Variants in FBXW9 observed in about 807,000 individuals in gnomAD.
The protein encoded by FBXW9 is F-box and WD repeat domain containing 9.
In FBXW9, 38 loss-of-function variants were observed where a neutral mutation model predicts 55.8. The observed-to-expected ratio is 0.68, with a 90% confidence interval of 0.53 to 0.89. FBXW9 has a LOEUF of 0.89. Among genes scored for constraint, FBXW9 ranks in the 40% least tolerant of loss-of-function variants. The pLI, the probability that FBXW9 is intolerant of heterozygous loss-of-function variation, is 0.00. For synonymous variants in FBXW9, 289 were observed against 278.2 expected, an observed-to-expected ratio of 1.04 and a Z score of -0.38; for missense variants, 590 against 619.4, an observed-to-expected ratio of 0.95 and a Z score of 0.50.
At chr19:12,690,306 C>A in intron 5 of FBXW9, 196 bp from the exon 6 acceptor site, 2 of 837,036 alleles carry the variant, frequency 2.4e-6, no homozygotes, top group Non-Finnish European at 1.9e-6. Context: ...CAGGCCTCTG[C>A]CCATCCCCGT....
chr19:12,691,619 C>T (rs73923903), intron 3 of FBXW9, among the ~76,000 whole-genome samples, 165 bp from the exon 4 acceptor site: 1 of 152,212 alleles, frequency 6.6e-6, no homozygotes. Context: ...GCAGCAAGTA[C>T]AACACCCAAC....
intron 1 of FBXW9, among the ~76,000 whole-genome samples, chr19:12,695,451 G>A (rs766033147): frequency 5.1e-4 from 78 of 152,314 alleles, no homozygotes; most frequent in Middle Eastern, 3.4e-3. Flanking sequence ...AGCTGTTTGG[G>A]AGAGTCTGAC....
In FBXW9 at chr19:12,690,006, C is replaced by T; in HGVS notation, c.988G>A (p.Val330Met). Residue 330 changes from valine to methionine, a missense_variant, in exon 6 of 10, where the codon GTG becomes ATG. Physicochemically the swap from Val to Met is conservative, Grantham distance 21. Transcript: ENST00000393261. The part of the protein sequence containing the change: ...IISGSEDHTL[V>M]VVDRRANSVL... ...CTGTTGGCTCGGCGGTCCACCACCA[C>T]CAGGGTGTGGTCCTCGCTGCCTGAG... is the stretch of plus-strand genomic sequence containing the variant. The T allele has an allele frequency of 6.2e-7, 1 of 1,614,064 alleles. No homozygotes were observed. The highest frequency in any genetic ancestry group is 8.5e-7 in the Non-Finnish European group (1 of 1,180,018).
Position 12,691,333 on chromosome 19 carries a change from C to T in FBXW9, c.791+9G>A. The T allele has an allele frequency of 6.2e-7, 1 of 1,613,840 alleles. No individual in the cohort carries two copies. Among genetic ancestry groups the T allele is most frequent in the South Asian group, 1.1e-5 (1 of 91,084 alleles). On this transcript the variant is annotated intron_variant, in intron 4 of 9. Coordinates refer to ENST00000393261, the MANE Select transcript of FBXW9 (RefSeq NM_032301.3). Reference sequence around the variant, plus strand: ...TCCCCGCAGGCCCCCTGCCCAGGCCCCCACACACTTTATCTCGCCGAACTG... The same window carrying T: ...TCCCCGCAGGCCCCCTGCCCAGGCCTCCACACACTTTATCTCGCCGAACTG...
In FBXW9 at chr19:12,694,913, G is replaced by T. The variant is rs554736123; in HGVS notation, c.435C>A (p.Ala145=). 1.9e-6 allele frequency: 3 copies of T among 1,613,854 alleles called. No individual in the cohort carries two copies. Among genetic ancestry groups the T allele is most frequent in the South Asian group, 1.1e-5 (1 of 91,082 alleles). Residue 145 remains alanine (A), a synonymous_variant, in exon 2 of 10, where the codon GCC becomes GCA. Coordinates refer to ENST00000393261, the MANE Select transcript of FBXW9 (RefSeq NM_032301.3). The part of the protein sequence containing the change: ...VEEKNFDWPA[A]CIALEQHLSR... The stretch of plus-strand genomic sequence containing the variant: ...ACAGGTGCTGCTCCAGCGCAATGCA[G>T]GCTGCCGGCCAGTCAAAGTTCTTCT...
In FBXW9 at chr19:12,694,719, C is replaced by A. The variant is rs910284937; in HGVS notation, c.553G>T (p.Gly185Trp). 8 of 1,614,102 alleles carry A rather than the reference C, an allele frequency of 5.0e-6. No homozygotes were observed. The highest frequency in any genetic ancestry group is 8.5e-7 in the Non-Finnish European group (1 of 1,180,044). ...SVDSVLLLQG[G>W]SLCLSGSRDR... ...CGGGAGCCCGACAGACAGAGTGACC[C>A]ACCCTGGAAAGGGAGCAAGGTGATG... The change falls in exon 3 of 10, where the codon GGG (glycine) becomes TGG (tryptophan). Residue 185 changes from glycine to tryptophan, a missense_variant. Gly to Trp is a radical substitution (Grantham distance 184). Transcript: ENST00000393261.
chr19:12,694,971 G>T (rs762926656), intron 1 of FBXW9, 33 bp from the exon 2 acceptor site: 2 of 1,601,088 alleles, frequency 1.2e-6, no homozygotes, highest in East Asian at 2.2e-5. Flanking sequence ...TGCCCAGTGG[G>T]CAGGGACCCT....
chr19:12,689,992 G>A lies in FBXW9; in HGVS notation c.1002C>T (p.Arg334=), dbSNP rs144594516. Residue 334 remains arginine, a synonymous_variant, in exon 6 of 10, where the codon CGC becomes CGT. Transcript: ENST00000393261. The surrounding 1 kb of genome is among the most constrained non-coding windows in gnomAD (Gnocchi z 5.9). ...GACGCTGCAGGACGCTGTTGGCTCG[G>A]CGGTCCACCACCACCAGGGTGTGGT... The part of the protein sequence containing the change: ...SEDHTLVVVD[R]RANSVLQRLQ... The A allele has an allele frequency of 8.3e-4, 1,338 of 1,613,856 alleles. 23 individuals are homozygous for A. The East Asian group carries it at 0.025, about 31-fold the overall frequency.
chr19:12,694,031 TAAA>T (rs999845063), intron 3 of FBXW9, among the ~76,000 whole-genome samples: 3 of 133,858 alleles, frequency 2.2e-5, no homozygotes, highest in Admixed American at 7.3e-5. Context: ...CTACCAAAAA[TAAA>T]AAAATTAGCT....
At chr19:12,691,560 C>G (rs2025009390) in intron 3 of FBXW9, 106 bp from the exon 4 acceptor site, 3 of 868,816 alleles carry the variant, frequency 3.5e-6, no homozygotes, top group African/African-American at 3.3e-5. Flanking sequence ...AAGAGACTCA[C>G]CCAAAGCCAC....
At position 12,694,839 on chromosome 19, in the gene FBXW9, T is replaced by C; in HGVS notation, c.509A>G (p.Glu170Gly). The stretch of plus-strand genomic sequence containing the variant: ...TGAGTCAACGGAAGCCACGTGGCCT[T>C]CGGCCAGGCAGAAGTATTCGACCCA... ...GRWVEYFCLA[E>G]GHVASVDSVL... is the part of the protein sequence containing the mutation. Residue 170 changes from glutamate (E) to glycine (G), a missense_variant, in exon 2 of 10, where the codon GAA becomes GGA. Physicochemically the swap from Glu to Gly is moderately conservative, Grantham distance 98. Coordinates refer to ENST00000393261, the MANE Select transcript of FBXW9 (RefSeq NM_032301.3). 1 of 1,614,084 alleles carries C rather than the reference T, an allele frequency of 6.2e-7. No homozygotes were observed. Among genetic ancestry groups the C allele is most frequent in the Non-Finnish European group, 8.5e-7 (1 of 1,180,016 alleles).
intron 1 of FBXW9, among the ~76,000 whole-genome samples, chr19:12,695,293 C>A (rs2025059287): frequency 6.6e-6 from 1 of 152,192 alleles, no homozygotes; most frequent in Admixed American, 6.5e-5. Flanking sequence ...TCATGACTAA[C>A]CCTTCCTGCC....
rs756611076 is a variant in FBXW9 at position 12,688,986 on chromosome 19, A to G, written c.*230T>C. On this transcript the variant is annotated 3_prime_UTR_variant, in exon 10 of 10. Coordinates refer to ENST00000393261, the MANE Select transcript of FBXW9 (RefSeq NM_032301.3). ...GAGAGCGGGGCATCCAAATCATAAC[A>G]AAACCAGGGCCCAAGAGTGGGAAGC... is the stretch of plus-strand genomic sequence containing the variant. 1 of 690,078 alleles carries G rather than the reference A, an allele frequency of 1.4e-6. No homozygotes were observed. Among genetic ancestry groups the G allele is most frequent in the Non-Finnish European group, 2.7e-6 (1 of 376,974 alleles). The allele number at this position is 690,078 out of a possible 1,614,324, so 42.7% of individuals were successfully genotyped here. A position where few individuals can be genotyped will look rare whatever the true frequency, so the allele number is the denominator to read the frequency against.
At chr19:12,690,298 G>C in intron 5 of FBXW9, 188 bp from the exon 6 acceptor site, 3 of 913,724 alleles carry the variant, frequency 3.3e-6, no homozygotes, top group Non-Finnish European at 5.1e-6. Flanking sequence ...AGGAGCCCCA[G>C]GCCTCTGCCC....
In FBXW9 at chr19:12,696,562, C is replaced by A. The variant is rs1012376323; in HGVS notation, c.20G>T (p.Arg7Leu). 1.2e-6 allele frequency: 2 copies of A among 1,611,026 alleles called. No individual in the cohort carries two copies. Among genetic ancestry groups the A allele is most frequent in the East Asian group, 2.2e-5 (1 of 44,882 alleles). Residue 7 changes from arginine (R) to leucine (L), a missense_variant, in exon 1 of 10, where the codon CGG (arginine) becomes CTG (leucine). Physicochemically the swap from Arg to Leu is moderately radical, Grantham distance 102 (BLOSUM62 -2). Coordinates refer to ENST00000393261, the MANE Select transcript of FBXW9 (RefSeq NM_032301.3). MELPLG[R>L]CDDSRTWDDD... ...GTCCCAGGTGCGGGAATCATCGCAC[C>A]GCCCTAGGGGAAGCTCCATTGCGAC...
chr19:12,695,011 C>T, intron 1 of FBXW9, 73 bp from the exon 2 acceptor site: 2 of 1,540,368 alleles, frequency 1.3e-6, no homozygotes, highest in Admixed American at 1.8e-5. Flanking sequence ...CAAGCCCAAC[C>T]CTGGCTTCCA....
At position 12,689,955 on chromosome 19, in the gene FBXW9, G is replaced by A. The variant is rs2024982303; in HGVS notation, c.1032+7C>T. 1 of 1,613,506 alleles carries A rather than the reference G, an allele frequency of 6.2e-7. No homozygotes were observed. On this transcript the variant is annotated splice_region_variant and intron_variant, in intron 6 of 9. Coordinates refer to ENST00000393261, the MANE Select transcript of FBXW9 (RefSeq NM_032301.3). This position sits in a 1 kb window ranked among gnomAD's most constrained non-coding sequence, Gnocchi z 5.9. ...CCCATCCCTCCAGGCCCCTGGGGAG[G>A]GCCCACCTGCAGACGCTGCAGGACG... is the stretch of plus-strand genomic sequence containing the variant.
intron 3 of FBXW9, among the ~76,000 whole-genome samples, chr19:12,693,501 GAAAAAAAAAAAAAAAAA>G (rs1214446276): frequency 4.7e-4 from 1 of 2,132 alleles, no homozygotes; most frequent in African/African-American, 8.6e-4. Flanking sequence ...TCTACTAAAG[GAAAAAAAAAAAAAAAAA>G]AAAAAAAAAA....
chr19:12,696,610 C>T lies in FBXW9; in HGVS notation c.-29G>A. On this transcript the variant is annotated 5_prime_UTR_variant, in exon 1 of 10. Transcript: ENST00000393261. ...GACCGGGTGGGCGCTGCCGGCCTCGCGTCTTGTCTCCTAGGCAGCACGAGG... is the reference window on the plus strand; with the variant it reads ...GACCGGGTGGGCGCTGCCGGCCTCGTGTCTTGTCTCCTAGGCAGCACGAGG... 1.3e-6 allele frequency: 2 copies of T among 1,599,418 alleles called. No individual in the cohort carries two copies. Among genetic ancestry groups the T allele is most frequent in the Admixed American group, 3.4e-5 (2 of 58,576 alleles).
Sources: gnomAD v4.1 joint callset for allele counts (sites outside exome capture counted in the v4.1 genomes callset) on GRCh38, gnomAD v4.1.1 for gene constraint, Gnocchi (gnomAD v3.1) non-coding constraint, MANE v1.5 for transcripts, NCBI Gene and HGNC (gene_info 2026-07-23, HGNC 2026-07-21) for gene names.